Variants in POGLUT1 observed in about 807,000 individuals in gnomAD.
POGLUT1 encodes protein O-glucosyltransferase 1.
In POGLUT1, 32 loss-of-function variants were observed where a neutral mutation model predicts 61.3. The ratio of observed to expected loss-of-function variants is 0.52; its 90% confidence interval spans 0.39 to 0.70. The LOEUF is 0.70. Among genes scored for constraint, POGLUT1 ranks in the 30% least tolerant of loss-of-function variants. POGLUT1 has a pLI of 0.00. For synonymous variants in POGLUT1, 158 were observed against 158.2 expected (o/e 1.00, Z 0.01); for missense variants, 411 against 469.8 (o/e 0.87, Z 1.16).
chr3:119,483,922 A>G (rs1454028759), intron 5 of POGLUT1, among the ~76,000 whole-genome samples: 1 of 152,266 alleles, frequency 6.6e-6, no homozygotes, highest in Non-Finnish European at 1.5e-5. Flanking sequence ...ATTCTCGGCT[A>G]AAATGTTACA....
chr3:119,479,491 C>A (rs1279601898), intron 4 of POGLUT1, among the ~76,000 whole-genome samples: 2 of 152,114 alleles, frequency 1.3e-5, no homozygotes, highest in Non-Finnish European at 2.9e-5. Flanking sequence ...ATTATTGTTT[C>A]CCCCATTACA....
intron 2 of POGLUT1, among the ~76,000 whole-genome samples, chr3:119,470,454 T>C (rs1229390787): frequency 6.6e-6 from 1 of 152,188 alleles, no homozygotes; most frequent in African/African-American, 2.4e-5. Flanking sequence ...CACGTGCCTG[T>C]AATCCCAGCT....
In POGLUT1 at chr3:119,480,129, A is replaced by G. The variant is rs774143508; in HGVS notation, c.535A>G (p.Thr179Ala). 1.2e-6 allele frequency: 2 copies of G among 1,612,506 alleles called. No homozygotes were observed. Among genetic ancestry groups the G allele is most frequent in the Admixed American group, 1.7e-5 (1 of 59,698 alleles). The change falls in exon 5 of 11, where the codon ACA (threonine) becomes GCA (alanine). Residue 179 changes from threonine to alanine, a missense_variant. Thr to Ala is a moderately conservative substitution (Grantham distance 58). Coordinates refer to ENST00000295588, the MANE Select transcript of POGLUT1 (RefSeq NM_152305.3). The part of the protein sequence containing the change: ...GGPAVWPIYP[T>A]GLGRWDLFRE... ...ACCTGCTGTTTGGCCAATTTATCCTACAGGTCTTGGACGGTGGGACCTCTT... is the reference window on the plus strand; with the variant it reads ...ACCTGCTGTTTGGCCAATTTATCCTGCAGGTCTTGGACGGTGGGACCTCTT...
At chr3:119,491,843 T>C (rs2081750821) in intron 10 of POGLUT1, among the ~76,000 whole-genome samples, 2 of 151,988 alleles carry the variant, frequency 1.3e-5, no homozygotes, top group African/African-American at 4.8e-5. Context: ...TCACCTGAGG[T>C]CAGAAGTTCA....
chr3:119,482,457 G>GGCCA (rs1432399956), intron 5 of POGLUT1, among the ~76,000 whole-genome samples: 2 of 152,088 alleles, frequency 1.3e-5, no homozygotes, highest in African/African-American at 2.4e-5. Flanking sequence ...TCAAACTCCT[G>GGCCA]GGGTCAAGGT....
chr3:119,471,351 C>T lies in POGLUT1; in HGVS notation c.219C>T (p.Ser73=). Residue 73 remains serine (S), a synonymous_variant, in exon 3 of 11, where the codon TCC becomes TCT. Coordinates refer to ENST00000295588, the MANE Select transcript of POGLUT1 (RefSeq NM_152305.3). ...TAACTCCTTTCCGAGGAGGCATCTC[C>T]AGGAAGATGATGGCAGAGGTAGTCA... The part of the protein sequence containing the change: ...EDLTPFRGGI[S]RKMMAEVVRR... 6.2e-7 allele frequency: 1 copy of T among 1,613,920 alleles called. No homozygotes were observed. The highest frequency in any genetic ancestry group is 1.3e-5 in the African/African-American group (1 of 75,024).
In POGLUT1 at chr3:119,475,623, G is replaced by C. The variant is rs143097212; in HGVS notation, c.321-1690G>C. On this transcript the variant is annotated intron_variant, in intron 3 of 10. Transcript: ENST00000295588. Reference sequence around the variant, plus strand: ...AGGTCAGGAGTTCAAGACCAGCCTGGCCAACATGGTGAGAACCTATCTCTA... The same window carrying C: ...AGGTCAGGAGTTCAAGACCAGCCTGCCCAACATGGTGAGAACCTATCTCTA... 7.2e-5 allele frequency among the ~76,000 whole-genome samples: 11 copies of C among 152,012 alleles called. 1 individual carries two copies. In the South Asian group the frequency reaches 1.2e-3, roughly 17 times the overall value.
chr3:119,484,062 A>G (rs1325426298), intron 5 of POGLUT1, among the ~76,000 whole-genome samples: 2 of 152,172 alleles, frequency 1.3e-5, no homozygotes, highest in African/African-American at 4.8e-5. Context: ...CCAGTGCTAT[A>G]GTGTCTCTGC....
intron 3 of POGLUT1, among the ~76,000 whole-genome samples, chr3:119,476,174 C>G (rs2081535703): frequency 6.6e-6 from 1 of 152,000 alleles, no homozygotes. Flanking sequence ...TAAAAAAAAC[C>G]TTAAAAAAAG....
At chr3:119,470,963 C>T (rs1560029321) in intron 2 of POGLUT1, among the ~76,000 whole-genome samples, 1 of 152,184 alleles carries the variant, frequency 6.6e-6, no homozygotes, top group South Asian at 2.1e-4. Context: ...GTAAACTTCA[C>T]CTCCTGTGGG....
chr3:119,470,605 G>A (rs1410880040), intron 2 of POGLUT1, among the ~76,000 whole-genome samples: 6 of 152,128 alleles, frequency 3.9e-5, no homozygotes, highest in Admixed American at 6.5e-5. Context: ...CATCAGGGCC[G>A]GGATGAGGTA....
intron 2 of POGLUT1, among the ~76,000 whole-genome samples, chr3:119,470,612 G>A (rs1307832898): frequency 3.3e-5 from 5 of 152,156 alleles, no homozygotes; most frequent in South Asian, 2.1e-4. Flanking sequence ...GCCGGGATGA[G>A]GTATGGTAGA....
chr3:119,475,989 CACACAAACACAT>C (rs775049497), intron 3 of POGLUT1, among the ~76,000 whole-genome samples: 1,769 of 107,638 alleles, frequency 0.016, 43 homozygotes, highest in African/African-American at 0.047. Context: ...CACACACACA[CACACAAACACAT>C]ACAGAGTTGC....
At chr3:119,490,373 T>G in intron 8 of POGLUT1, 178 bp from the exon 9 acceptor site, 1 of 608,880 alleles carries the variant, frequency 1.6e-6, no homozygotes, top group Non-Finnish European at 2.9e-6. Context: ...CTAGCCCTGG[T>G]AAAGTGGCTG....
chr3:119,469,002 C>G lies in POGLUT1; in HGVS notation c.-20C>G. ...TTCCGCCAGCGCCGCAGCGGGGAATCTGCAGTAGGTCTGCCGGCGATGGAG... is the reference window on the plus strand; with the variant it reads ...TTCCGCCAGCGCCGCAGCGGGGAATGTGCAGTAGGTCTGCCGGCGATGGAG... On this transcript the variant is annotated 5_prime_UTR_variant, in exon 1 of 11. The change creates a new upstream start codon in the 5' untranslated region. Transcript: ENST00000295588. The G allele has an allele frequency of 1.9e-6, 3 of 1,599,278 alleles. No individual in the cohort carries two copies. Among genetic ancestry groups the G allele is most frequent in the Admixed American group, 3.4e-5 (2 of 59,472 alleles).
Position 119,468,983 on chromosome 3 carries a change from C to T in POGLUT1, c.-39C>T. 1 of 1,564,550 alleles carries T rather than the reference C, an allele frequency of 6.4e-7. No individual in the cohort carries two copies. The highest frequency in any genetic ancestry group is 1.1e-5 in the South Asian group (1 of 87,678). ...TCTTTGTGCGGGGCCGCGCTTCCGC[C>T]AGCGCCGCAGCGGGGAATCTGCAGT... On this transcript the variant is annotated 5_prime_UTR_variant, in exon 1 of 11. Transcript: ENST00000295588.
intron 6 of POGLUT1, among the ~76,000 whole-genome samples, chr3:119,485,918 A>G (rs1419974149): frequency 3.3e-5 from 5 of 152,234 alleles, no homozygotes; most frequent in Non-Finnish European, 5.9e-5. Flanking sequence ...GTTCAGCTCC[A>G]TAGTCCCAAG....
At position 119,477,378 on chromosome 3, in the gene POGLUT1, T is replaced by C. The variant is rs1015531524; in HGVS notation, c.386T>C (p.Ile129Thr). 1.7e-5 allele frequency: 27 copies of C among 1,613,880 alleles called. No homozygotes were observed. Among genetic ancestry groups the C allele is most frequent in the Non-Finnish European group, 2.1e-5 (25 of 1,179,922 alleles). ...CGTCTCCCTGACATGGAGATGGTGA[T>C]CAATGTACGAGATTATCCTCAGGTT... ...IGRLPDMEMVINVRDYPQVPK... is the reference protein window; with the variant it reads ...IGRLPDMEMVTNVRDYPQVPK... Residue 129 changes from isoleucine to threonine, a missense_variant, in exon 4 of 11, where the codon ATC becomes ACC. Transcript: ENST00000295588.
chr3:119,491,595 C>G (rs749583782), intron 10 of POGLUT1, 21 bp downstream of exon 10: 2 of 1,422,408 alleles, frequency 1.4e-6, no homozygotes, highest in Non-Finnish European at 9.7e-7. Flanking sequence ...TTCATTTTCC[C>G]TTTTCCACTT....
Sources: allele counts gnomAD v4.1 joint callset (sites outside exome capture counted in the v4.1 genomes callset), GRCh38; gene constraint gnomAD v4.1.1; transcripts MANE v1.5; gene names NCBI Gene and HGNC (gene_info 2026-07-23, HGNC 2026-07-21).